ARHGAP5: variants seen among roughly 807,000 people sequenced by gnomAD.
ARHGAP5 encodes the protein Rho GTPase activating protein 5.
Under a neutral mutation model 116.6 loss-of-function variants are expected in ARHGAP5, and 23 were observed. The ratio of observed to expected loss-of-function variants is 0.20; its 90% CI spans 0.14 to 0.28. ARHGAP5 has a LOEUF of 0.28. ARHGAP5 is among the 10% of genes least tolerant of loss of function. The pLI, the probability that ARHGAP5 is intolerant of heterozygous loss-of-function variation, is 1.00. For missense variants in ARHGAP5, 1,405 were observed against 1,774.8 expected (o/e 0.79, Z 3.74); for synonymous variants, 574 against 602.0 (o/e 0.95, Z 0.68).
In ARHGAP5 at chr14:32,154,978, T is replaced by C. The variant is rs768572249; in HGVS notation, c.*30T>C. The C allele has an allele frequency of 8.2e-6, 13 of 1,585,750 alleles. No individual in the cohort carries two copies. The highest frequency in any genetic ancestry group is 4.1e-5 in the African/African-American group (3 of 74,012). ...GAAGTGATTGCAAACAGGCTGGATT[T>C]GGACAAAAAGCAAATCTAGACATGC... On this transcript the variant is annotated 3_prime_UTR_variant, in exon 7 of 7. Transcript: ENST00000345122.
At chr14:32,125,925 G>C (rs1323599525) in intron 3 of ARHGAP5, among the ~76,000 whole-genome samples, 1 of 152,090 alleles carries the variant, frequency 6.6e-6, no homozygotes, top group African/African-American at 2.4e-5. Context: ...GGATGTTTAT[G>C]GTGGTGTGTA....
At chr14:32,138,440 C>CA (rs1880925576) in intron 3 of ARHGAP5, among the ~76,000 whole-genome samples, 1 of 152,162 alleles carries the variant, frequency 6.6e-6, no homozygotes, top group Non-Finnish European at 1.5e-5. Context: ...GGTGCCACTG[C>CA]ACCTGGCTAG....
At chr14:32,079,144 C>G (rs926434070) in intron 1 of ARHGAP5, among the ~76,000 whole-genome samples, 1 of 152,196 alleles carries the variant, frequency 6.6e-6, no homozygotes, top group African/African-American at 2.4e-5. Context: ...TTGTAACTTT[C>G]AAGAAATAGC....
At chr14:32,150,977 TTC>T (rs1190569446) in intron 5 of ARHGAP5, among the ~76,000 whole-genome samples, 4 of 152,244 alleles carry the variant, frequency 2.6e-5, no homozygotes, top group African/African-American at 9.6e-5. Flanking sequence ...TGCTAAATAC[TTC>T]TCTCTACTAT....
rs61731183 is a variant in ARHGAP5 at position 32,117,224 on chromosome 14, G to C, written c.3802G>C (p.Val1268Leu). The C allele has an allele frequency of 1.2e-6, 2 of 1,611,752 alleles. No individual in the cohort carries two copies. Among genetic ancestry groups the C allele is most frequent in the East Asian group, 4.5e-5 (2 of 44,810 alleles). ...NYFGMPLQDL[V>L]TAEKPIPLFV... is the part of the protein sequence containing the mutation. ...CTTTGGGATGCCCCTCCAGGATCTG[G>C]TTACAGCTGAGAAGCCCATACCACT... is the stretch of plus-strand genomic sequence containing the variant. The change falls in exon 3 of 7, where the codon GTT (valine) becomes CTT (leucine). Residue 1268 changes from valine to leucine, a missense_variant. Val to Leu is a conservative substitution (Grantham distance 32). Transcript: ENST00000345122.
intron 1 of ARHGAP5, among the ~76,000 whole-genome samples, chr14:32,084,141 G>C (rs1260066277): frequency 1.3e-5 from 2 of 152,166 alleles, no homozygotes; most frequent in Non-Finnish European, 2.9e-5. Flanking sequence ...AAGTTAATGT[G>C]TTTGGGAATA....
intron 1 of ARHGAP5, among the ~76,000 whole-genome samples, chr14:32,085,667 G>A (rs2041822066): frequency 6.6e-6 from 1 of 151,994 alleles, no homozygotes; most frequent in Middle Eastern, 3.2e-3. Context: ...GTTTACATAA[G>A]GGATAGTTAT....
intron 3 of ARHGAP5, among the ~76,000 whole-genome samples, chr14:32,135,746 C>T (rs751351859): frequency 1.3e-5 from 2 of 152,328 alleles, no homozygotes; most frequent in Non-Finnish European, 2.9e-5. Flanking sequence ...AAGTTTTAAC[C>T]ACATGCTAAG....
intron 5 of ARHGAP5, among the ~76,000 whole-genome samples, chr14:32,151,463 A>G (rs72664672): frequency 0.019 from 2,855 of 152,394 alleles, 45 homozygotes; most frequent in Middle Eastern, 0.037. Flanking sequence ...GATTACAAGT[A>G]ATTGTAGTAT....
At position 32,093,696 on chromosome 14, in the gene ARHGAP5, A is replaced by G. The variant is rs746950064; in HGVS notation, c.3027A>G (p.Arg1009=). Residue 1009 remains arginine (R), a synonymous_variant, in exon 2 of 7, where the codon AGA becomes AGG. Coordinates refer to ENST00000345122, the MANE Select transcript of ARHGAP5 (RefSeq NM_001030055.2). ...TTCCAACACCTAGTGACCGTTCCAGATATAGATTAGATTTGGAAGGAAATG... is the reference window on the plus strand; with the variant it reads ...TTCCAACACCTAGTGACCGTTCCAGGTATAGATTAGATTTGGAAGGAAATG... ...QLLPTPSDRS[R]YRLDLEGNEY... 23 of 1,613,978 alleles carry G rather than the reference A, an allele frequency of 1.4e-5. No homozygotes were observed. In the East Asian group the frequency reaches 2.5e-4, roughly 17 times the overall value.
chr14:32,102,723 G>A (rs1446466121), intron 2 of ARHGAP5, among the ~76,000 whole-genome samples: 1 of 152,202 alleles, frequency 6.6e-6, no homozygotes, highest in African/African-American at 2.4e-5. Flanking sequence ...AGTACTCTGT[G>A]TCATAGTGTG....
rs372981423 is a variant in ARHGAP5, at chr14:32,091,843, A to G, written c.1174A>G (p.Ile392Val). The G allele has an allele frequency of 5.6e-6, 9 of 1,613,508 alleles. No individual in the cohort carries two copies. The highest frequency in any genetic ancestry group is 1.1e-5 in the South Asian group (1 of 91,018). ...AACTCCTTGGGATGAAACTGACCAT[A>G]TAGACAAAATTAATGATAGGCGGAT... ...EKTPWDETDHIDKINDRRIPF... is the reference protein window; with the variant it reads ...EKTPWDETDHVDKINDRRIPF... Residue 392 changes from isoleucine (I) to valine (V), a missense_variant, in exon 2 of 7, where the codon ATA becomes GTA. Around this residue, in one of 6 missense-constraint regions of ARHGAP5, gnomAD observed 944 missense variants for 1,095.3 expected, o/e 0.86. Transcript: ENST00000345122.
intron 3 of ARHGAP5, among the ~76,000 whole-genome samples, chr14:32,127,800 C>T (rs1880251722): frequency 6.6e-6 from 1 of 151,076 alleles, no homozygotes; most frequent in South Asian, 2.1e-4. Flanking sequence ...GAGGCGCCCC[C>T]CACCTCCCAG....
At chr14:32,088,535 A>G (rs944598931) in intron 1 of ARHGAP5, among the ~76,000 whole-genome samples, 2 of 151,998 alleles carry the variant, frequency 1.3e-5, no homozygotes, top group African/African-American at 4.8e-5. Flanking sequence ...GTAAATATCC[A>G]TAAATAAAGT....
Position 32,115,718 on chromosome 14 carries a change from T to G in ARHGAP5, c.3718-1422T>G, listed in dbSNP as rs1349729820. Among the ~76,000 whole-genome samples the G allele has an allele frequency of 3.4e-5, 5 of 144,972 alleles. No homozygotes were observed. The Admixed American group carries it at 3.5e-4, about 10-fold the overall frequency. ...TGGGTGCTGTGGCTCATGCATGTAG[T>G]CCCAGCACTTGGGGAGGCTAAGGCA... On this transcript the variant is annotated intron_variant, in intron 2 of 6. Transcript: ENST00000345122.
chr14:32,115,387 G>T (rs2139065335), intron 2 of ARHGAP5, among the ~76,000 whole-genome samples: 1 of 152,122 alleles, frequency 6.6e-6, no homozygotes, highest in East Asian at 1.9e-4. Flanking sequence ...CATCTGGCCG[G>T]GAGCGGTGGC....
rs1594404777 is a variant in ARHGAP5, at chr14:32,156,513, T to C, written c.*1565T>C. 6.6e-6 allele frequency: 1 copy of C among 152,374 alleles called. No homozygotes were observed. Among genetic ancestry groups the C allele is most frequent in the Non-Finnish European group, 1.5e-5 (1 of 67,824 alleles). The allele number at this position is 152,374 out of a possible 1,614,324, so 9.4% of individuals were successfully genotyped here. A position where few individuals can be genotyped will look rare whatever the true frequency, so the allele number is the denominator to read the frequency against. ...TGAACCAGGCTGCTGTTGAAGTACA[T>C]GTATATTATAAATTATCTTATTTGT... On this transcript the variant is annotated 3_prime_UTR_variant, in exon 7 of 7. Coordinates refer to ENST00000345122, the MANE Select transcript of ARHGAP5 (RefSeq NM_001030055.2).
chr14:32,099,803 A>G (rs1878706299), intron 2 of ARHGAP5, among the ~76,000 whole-genome samples: 1 of 152,280 alleles, frequency 6.6e-6, no homozygotes, highest in East Asian at 1.9e-4. Flanking sequence ...AGATTCCTTG[A>G]TACCTGGAAA....
intron 2 of ARHGAP5, among the ~76,000 whole-genome samples, chr14:32,100,425 C>T (rs931370074): frequency 1.6e-4 from 24 of 152,124 alleles, no homozygotes; most frequent in Admixed American, 6.5e-5. Context: ...TCTCAAACTC[C>T]TGGCCTCAAG....
Sources: gnomAD v4.1 joint callset for allele counts (sites outside exome capture counted in the v4.1 genomes callset) on GRCh38, gnomAD v4.1.1 for gene constraint, gnomAD v4.1.1 regional missense constraint, MANE v1.5 for transcripts, NCBI Gene and HGNC (gene_info 2026-07-23, HGNC 2026-07-21) for gene names.